Variants in BRINP3 observed in about 807,000 individuals in gnomAD.
BRINP3 encodes the protein BMP/retinoic acid inducible neural specific 3, also known as BMP/retinoic acid-inducible neural-specific protein 3.
BRINP3 carries 19 observed loss-of-function variants against 71.0 expected under a neutral mutation model. The observed-to-expected ratio is 0.27, with a 90% CI of 0.19 to 0.39. The LOEUF (loss-of-function observed/expected upper bound fraction) is 0.39, where lower values mean the gene tolerates loss of function less well. Ranked by LOEUF, BRINP3 falls within the 10% of genes least tolerant of loss-of-function variation. The pLI is 1.00. For synonymous variants in BRINP3, 380 were observed against 337.7 expected, an observed-to-expected ratio of 1.13 and a Z score of -1.37; for missense variants, 959 against 940.8, an observed-to-expected ratio of 1.02 and a Z score of -0.25.
chr1:190,200,170 A>G (rs914417781), intron 6 of BRINP3, among the ~76,000 whole-genome samples: 2 of 152,090 alleles, frequency 1.3e-5, no homozygotes, highest in Non-Finnish European at 2.9e-5. Flanking sequence ...ATTTGTTTGG[A>G]AAGACAGATT....
intron 4 of BRINP3, among the ~76,000 whole-genome samples, chr1:190,254,997 T>C (rs566753532): frequency 2.2e-4 from 33 of 152,280 alleles, no homozygotes; most frequent in Middle Eastern, 3.4e-3. Context: ...TTGAATTTTG[T>C]CAAATGCCTT....
intron 2 of BRINP3, among the ~76,000 whole-genome samples, chr1:190,283,750 A>G (rs1398336698): frequency 6.6e-6 from 1 of 151,260 alleles, no homozygotes; most frequent in Non-Finnish European, 1.5e-5. Context: ...CTCAGGATAT[A>G]TAGTAATACA....
intron 7 of BRINP3, among the ~76,000 whole-genome samples, chr1:190,152,612 C>G (rs1433566603): frequency 7.5e-6 from 1 of 134,006 alleles, no homozygotes; most frequent in African/African-American, 2.8e-5. Context: ...AAAAGTGCCT[C>G]TATTGGGTTG....
chr1:190,143,690 A>C (rs1655646944), intron 7 of BRINP3, among the ~76,000 whole-genome samples: 1 of 152,134 alleles, frequency 6.6e-6, no homozygotes, highest in African/African-American at 2.4e-5. Flanking sequence ...CCAACATATA[A>C]GAATGGTATC....
intron 2 of BRINP3, among the ~76,000 whole-genome samples, chr1:190,449,393 G>A (rs1354143038): frequency 2.0e-5 from 3 of 151,924 alleles, no homozygotes; most frequent in Non-Finnish European, 2.9e-5. Context: ...CAGGGAAAGG[G>A]ATCATGAAGA....
At chr1:190,398,463 G>T (rs1368685990) in intron 2 of BRINP3, among the ~76,000 whole-genome samples, 1 of 151,914 alleles carries the variant, frequency 6.6e-6, no homozygotes, top group Admixed American at 6.6e-5. Context: ...ATGAATTTGT[G>T]TCTCATGTAC....
intron 6 of BRINP3, among the ~76,000 whole-genome samples, chr1:190,188,176 G>T (rs1653708862): frequency 1.3e-5 from 2 of 151,974 alleles, no homozygotes; most frequent in East Asian, 3.9e-4. Context: ...AGAATTAACT[G>T]TTATTGAATA....
chr1:190,213,019 T>G (rs1656117443), intron 6 of BRINP3, among the ~76,000 whole-genome samples: 1 of 151,956 alleles, frequency 6.6e-6, no homozygotes, highest in Admixed American at 6.6e-5. Context: ...GTGGCATGGA[T>G]TCAGTGGATC....
At chr1:190,205,150 G>A (rs1022472943) in intron 6 of BRINP3, among the ~76,000 whole-genome samples, 1 of 151,934 alleles carries the variant, frequency 6.6e-6, no homozygotes, top group African/African-American at 2.4e-5. Flanking sequence ...GTCTCAGATG[G>A]GTAGGAGGCA....
At chr1:190,377,868 A>T (rs917643130) in intron 2 of BRINP3, among the ~76,000 whole-genome samples, 2 of 152,244 alleles carry the variant, frequency 1.3e-5, no homozygotes, top group Non-Finnish European at 2.9e-5. Context: ...AAGAAATTAA[A>T]TTTTTTAAAT....
intron 4 of BRINP3, among the ~76,000 whole-genome samples, chr1:190,246,094 T>A (rs1028336034): frequency 1.2e-3 from 116 of 95,134 alleles, no homozygotes; most frequent in Non-Finnish European, 1.7e-3. Context: ...AGCAGCATGT[T>A]TTATCCTTGG....
chr1:190,129,349 T>C (rs887913728), intron 7 of BRINP3, among the ~76,000 whole-genome samples: 4 of 151,924 alleles, frequency 2.6e-5, no homozygotes, highest in Non-Finnish European at 5.9e-5. Flanking sequence ...GGTAGTAATT[T>C]TATTGTCTAC....
chr1:190,398,849 C>T (rs569640192), intron 2 of BRINP3, among the ~76,000 whole-genome samples: 1 of 151,964 alleles, frequency 6.6e-6, no homozygotes, highest in Admixed American at 6.6e-5. Context: ...AAATCTTCCA[C>T]CCTTTTTACT....
At chr1:190,374,284 A>G (rs1347813319) in intron 2 of BRINP3, among the ~76,000 whole-genome samples, 1 of 152,038 alleles carries the variant, frequency 6.6e-6, no homozygotes, top group African/African-American at 2.4e-5. Flanking sequence ...AAAGAAATCT[A>G]TCTGTCTGTC....
chr1:190,270,794 A>G (rs1301247084), intron 3 of BRINP3, among the ~76,000 whole-genome samples: 1 of 151,688 alleles, frequency 6.6e-6, no homozygotes, highest in East Asian at 1.9e-4. Context: ...ATAAAGCTCT[A>G]AAGGATTCGG....
intron 2 of BRINP3, among the ~76,000 whole-genome samples, chr1:190,395,093 C>G (rs1028105733): frequency 6.6e-6 from 1 of 151,714 alleles, no homozygotes; most frequent in Non-Finnish European, 1.5e-5. Context: ...GGCTTACATT[C>G]AGGCAGCTAT....
chr1:190,135,901 C>T (rs1041261167), intron 7 of BRINP3, among the ~76,000 whole-genome samples: 2 of 151,758 alleles, frequency 1.3e-5, no homozygotes, highest in East Asian at 3.9e-4. Flanking sequence ...ATCTCTATAC[C>T]AAGACACAAA....
At chr1:190,389,529 A>G (rs1671118012) in intron 2 of BRINP3, among the ~76,000 whole-genome samples, 1 of 151,810 alleles carries the variant, frequency 6.6e-6, no homozygotes, top group African/African-American at 2.4e-5. Flanking sequence ...CCAAAGAACC[A>G]CTATAAAGGG....
At chr1:190,268,497 C>A (rs1037972120) in intron 3 of BRINP3, among the ~76,000 whole-genome samples, 1 of 152,174 alleles carries the variant, frequency 6.6e-6, no homozygotes, top group Middle Eastern at 3.4e-3. Context: ...AAAATCAGAA[C>A]CAGACAAACA....
Sources: allele counts gnomAD v4.1 joint callset (sites outside exome capture counted in the v4.1 genomes callset), GRCh38; gene constraint gnomAD v4.1.1; transcripts MANE v1.5; gene names NCBI Gene and HGNC (gene_info 2026-07-23, HGNC 2026-07-21).